COPB1: variants seen among roughly 807,000 people sequenced by gnomAD.
The protein encoded by COPB1 is coat protein complex I subunit beta 1, also known as coatomer subunit beta.
Under a neutral mutation model 108.7 loss-of-function variants are expected in COPB1, and 21 were observed. The observed-to-expected ratio is 0.19, with a 90% CI of 0.14 to 0.28. The LOEUF (loss-of-function observed/expected upper bound fraction) is 0.28. Among genes scored for constraint, COPB1 ranks in the 10% least tolerant of loss-of-function variants. The pLI is 1.00. For missense variants in COPB1, 919 were observed against 1,141.3 expected, an observed-to-expected ratio of 0.81 and a Z score of 2.81; for synonymous variants, 378 against 386.8, an observed-to-expected ratio of 0.98 and a Z score of 0.27.
At chr11:14,462,642 CTCTT>C (rs1012217929) in intron 18 of COPB1, among the ~76,000 whole-genome samples, 2 of 152,292 alleles carry the variant, frequency 1.3e-5, no homozygotes, top group East Asian at 1.9e-4. Context: ...ACAACTCTCT[CTCTT>C]GGAATTCACT....
rs1205443711 is a variant in COPB1 at position 14,488,595 on chromosome 11, TAAG to T, written c.607-14_607-12del. ...ATCCAAAGCTCGATCCTAAAAAAAA[TAAG>T]AATATATTTATCATTCTCCACCTCA... is the stretch of plus-strand genomic sequence containing the variant. On this transcript the variant is annotated splice_polypyrimidine_tract_variant and intron_variant, in intron 5 of 21. Coordinates refer to ENST00000439561, the MANE Select transcript of COPB1 (RefSeq NM_001144061.2). 7 of 1,563,730 alleles carry T rather than the reference TAAG, an allele frequency of 4.5e-6. No individual in the cohort carries two copies. The highest frequency in any genetic ancestry group is 5.3e-6 in the Non-Finnish European group (6 of 1,142,382).
At position 14,479,571 on chromosome 11, in the gene COPB1, G is replaced by T; in HGVS notation, c.1356C>A (p.Val452=). 1 of 1,600,480 alleles carries T rather than the reference G, an allele frequency of 6.2e-7. No individual in the cohort carries two copies. Among genetic ancestry groups the T allele is most frequent in the South Asian group, 1.1e-5 (1 of 88,262 alleles). ...MLEVFHAIKS[V]KIYRGALWIL... is the part of the protein sequence containing the mutation. ...ATTTAAATGTATTTTAAACCTACTTGACAGATTTAATAGCATGAAAGACTT... is the reference window on the plus strand; with the variant it reads ...ATTTAAATGTATTTTAAACCTACTTTACAGATTTAATAGCATGAAAGACTT... The change falls in exon 11 of 22, where the codon GTC becomes GTA. Residue 452 remains valine (V), a splice_region_variant and synonymous_variant. Transcript: ENST00000439561.
chr11:14,496,245 G>A (rs1435230056), intron 2 of COPB1, among the ~76,000 whole-genome samples: 1 of 151,862 alleles, frequency 6.6e-6, no homozygotes, highest in Non-Finnish European at 1.5e-5. Context: ...CATTACTTTG[G>A]AAAGCATATT....
chr11:14,486,632 G>A (rs1156989196), intron 6 of COPB1, 128 bp from the exon 7 acceptor site: 46 of 1,136,552 alleles, frequency 4.0e-5, no homozygotes, highest in Non-Finnish European at 5.3e-5. Context: ...AGTCTTATGA[G>A]GACATGAAAA....
chr11:14,471,934 T>G (rs1850414679), intron 14 of COPB1, among the ~76,000 whole-genome samples: 1 of 152,026 alleles, frequency 6.6e-6, no homozygotes. Flanking sequence ...AAAAAAATTT[T>G]TTTTTAGATC....
intron 12 of COPB1, among the ~76,000 whole-genome samples, 183 bp downstream of exon 12, chr11:14,476,736 A>C (rs1312037725): frequency 6.6e-6 from 1 of 151,666 alleles, no homozygotes; most frequent in Non-Finnish European, 1.5e-5. Context: ...ATACAGGCTA[A>C]AGCAGAATTT....
intron 2 of COPB1, among the ~76,000 whole-genome samples, chr11:14,496,494 C>A (rs1029844864): frequency 2.6e-5 from 4 of 151,756 alleles, no homozygotes; most frequent in African/African-American, 9.7e-5. Context: ...TTAATTTAAC[C>A]AAATAAATGA....
In COPB1 at chr11:14,464,938, C is replaced by T; in HGVS notation, c.2383G>A (p.Glu795Lys). ...ATATTACCAAAAATTATTCCATTTT[C>T]TGTTGATGCTACTTTGACGTTAGCT... ...IKANVKVASTENGIIFGNIVY... is the reference protein window; with the variant it reads ...IKANVKVASTKNGIIFGNIVY... The change falls in exon 18 of 22, where the codon GAA becomes AAA. Residue 795 changes from glutamate (E) to lysine (K), a missense_variant. Glu to Lys is a moderately conservative substitution (Grantham distance 56). Around this residue, in one of 5 missense-constraint regions of COPB1, gnomAD observed 705 missense variants for 817.8 expected, o/e 0.86. Coordinates refer to ENST00000439561, the MANE Select transcript of COPB1 (RefSeq NM_001144061.2). 6.2e-7 allele frequency: 1 copy of T among 1,613,424 alleles called. No homozygotes were observed. The highest frequency in any genetic ancestry group is 8.5e-7 in the Non-Finnish European group (1 of 1,179,714).
At chr11:14,469,669 G>T in intron 14 of COPB1, 106 bp from the exon 15 acceptor site, 1 of 970,964 alleles carries the variant, frequency 1.0e-6, no homozygotes, top group South Asian at 1.6e-5. Flanking sequence ...ACCTGAATAA[G>T]ATTTCAAATT....
chr11:14,486,340 T>C (rs945136148), intron 7 of COPB1, 27 bp downstream of exon 7: 2 of 1,613,296 alleles, frequency 1.2e-6, no homozygotes, highest in African/African-American at 2.7e-5. Flanking sequence ...TATCATCTAA[T>C]CTGGCCCCAA....
intron 2 of COPB1, among the ~76,000 whole-genome samples, chr11:14,496,310 T>C (rs530986006): frequency 2.0e-5 from 3 of 152,206 alleles, no homozygotes; most frequent in African/African-American, 7.2e-5. Context: ...AGACACGGTA[T>C]ACATTTTTAA....
intron 2 of COPB1, among the ~76,000 whole-genome samples, chr11:14,495,614 TCAGCTTCCCAAAGTGCTGGGATTA>T (rs1449042060): frequency 6.6e-6 from 1 of 152,202 alleles, no homozygotes; most frequent in Non-Finnish European, 1.5e-5. Flanking sequence ...TCCACCTGCC[TCAGCTTCCCAAAGTGCTGGGATTA>T]CAGGCATGAG....
chr11:14,481,273 A>C (rs1487966903), intron 8 of COPB1, among the ~76,000 whole-genome samples, 176 bp from the exon 9 acceptor site: 1 of 152,228 alleles, frequency 6.6e-6, no homozygotes, highest in Non-Finnish European at 1.5e-5. Flanking sequence ...TGCAATATGA[A>C]ATAATAGCAC....
chr11:14,479,845 C>G lies in COPB1; in HGVS notation c.1213-131G>C, dbSNP rs535318070. ...AAGAGACAGGGTCTTGCTTTGCTGCCCAGGCTAGAGAATAGTGGCACAATC... is the reference window on the plus strand; with the variant it reads ...AAGAGACAGGGTCTTGCTTTGCTGCGCAGGCTAGAGAATAGTGGCACAATC... On this transcript the variant is annotated intron_variant, in intron 10 of 21. Transcript: ENST00000439561. 23 of 903,822 alleles carry G rather than the reference C, an allele frequency of 2.5e-5. No individual in the cohort carries two copies. The African/African-American group carries it at 3.6e-4, about 14-fold the overall frequency. The allele number at this position is 903,822 out of a possible 1,614,324, so 56.0% of individuals were successfully genotyped here. A position where few individuals can be genotyped will look rare whatever the true frequency, so the allele number is the denominator to read the frequency against.
Position 14,460,231 on chromosome 11 carries a change from T to C in COPB1, c.2623A>G (p.Met875Val), listed in dbSNP as rs2039867281. The change falls in exon 20 of 22, where the codon ATG (methionine) becomes GTG (valine). Residue 875 changes from methionine (M) to valine (V), a missense_variant. Physicochemically the swap from Met to Val is conservative, Grantham distance 21. Around this residue, in one of 5 missense-constraint regions of COPB1, gnomAD observed 705 missense variants for 817.8 expected, o/e 0.86. Coordinates refer to ENST00000439561, the MANE Select transcript of COPB1 (RefSeq NM_001144061.2). The stretch of plus-strand genomic sequence containing the variant: ...ACCTTTTCTGGAGTCAGGCATTTCA[T>C]ATTGGTTGACTTTAATATGTGCTGT... ...YLQHILKSTN[M>V]KCLTPEKALS... The C allele has an allele frequency of 1.9e-6, 3 of 1,611,070 alleles. No individual in the cohort carries two copies. The highest frequency in any genetic ancestry group is 2.5e-6 in the Non-Finnish European group (3 of 1,177,504).
chr11:14,477,769 G>GC (rs1850560210), intron 11 of COPB1, among the ~76,000 whole-genome samples: 1 of 151,776 alleles, frequency 6.6e-6, no homozygotes, highest in Non-Finnish European at 1.5e-5. Flanking sequence ...GCAGTGGCAC[G>GC]CACCTGTAGT....
At chr11:14,462,370 C>T (rs371781847) in intron 18 of COPB1, among the ~76,000 whole-genome samples, 1 of 151,886 alleles carries the variant, frequency 6.6e-6, no homozygotes, top group African/African-American at 2.4e-5. Context: ...GTAGCTGGGA[C>T]CACAGGCGCC....
intron 15 of COPB1, 139 bp from the exon 16 acceptor site, chr11:14,468,999 C>T (rs144732644): frequency 1.3e-6 from 1 of 743,554 alleles, no homozygotes; most frequent in Non-Finnish European, 2.2e-6. Context: ...CTTTTCTTTT[C>T]TTTTTTTTCT....
At chr11:14,469,094 A>G (rs1249823332) in intron 15 of COPB1, among the ~76,000 whole-genome samples, 1 of 152,142 alleles carries the variant, frequency 6.6e-6, no homozygotes, top group Non-Finnish European at 1.5e-5. Flanking sequence ...TCTTAGATTC[A>G]AACGATCCTT....
Sources: gnomAD v4.1 joint callset for allele counts (sites outside exome capture counted in the v4.1 genomes callset) on GRCh38, gnomAD v4.1.1 for gene constraint, gnomAD v4.1.1 regional missense constraint, MANE v1.5 for transcripts, NCBI Gene and HGNC (gene_info 2026-07-23, HGNC 2026-07-21) for gene names.